The following NT5DC3 variants were observed in gnomAD, a reference collection of about 807,000 sequenced individuals.
NT5DC3 encodes 5'-nucleotidase domain-containing protein 3.
Under a neutral mutation model 67.8 loss-of-function variants are expected in NT5DC3, and 42 were observed. The ratio of observed to expected loss-of-function variants is 0.62; its 90% confidence interval spans 0.48 to 0.80. The LOEUF is 0.80. NT5DC3 is among the 30% of genes least tolerant of loss of function. The pLI is 0.00. For synonymous variants in NT5DC3, 237 were observed against 255.6 expected (o/e 0.93, Z 0.69); for missense variants, 570 against 696.4 (o/e 0.82, Z 2.04).
At chr12:103,787,394 G>A (rs751274626) in intron 11 of NT5DC3, 47 bp downstream of exon 11, 6 of 880,404 alleles carry the variant, frequency 6.8e-6, no homozygotes, top group Admixed American at 5.1e-5. Context: ...TTTAGTAAGT[G>A]AGACTAACAC....
the NT5DC3 span, among the ~76,000 whole-genome samples, chr12:103,761,879 G>A: frequency 1.3e-5 from 2 of 152,188 alleles, no homozygotes; most frequent in Non-Finnish European, 2.9e-5. Flanking sequence ...GATGGTGGTT[G>A]TTAGTATTCT....
intron 4 of NT5DC3, among the ~76,000 whole-genome samples, chr12:103,803,299 G>C (rs775424390): frequency 6.6e-6 from 1 of 152,134 alleles, no homozygotes; most frequent in Non-Finnish European, 1.5e-5. Flanking sequence ...TAAGTTAAAA[G>C]TAAGTCTGTT....
rs2139287429 is a variant in NT5DC3 at position 103,773,456 on chromosome 12, T to C, written c.*4373A>G. The C allele has an allele frequency of 6.6e-6, 1 of 152,280 alleles. No individual in the cohort carries two copies. Among genetic ancestry groups the C allele is most frequent in the Middle Eastern group, 3.4e-3 (1 of 294 alleles). The allele number at this position is 152,280 out of a possible 1,614,324, so 9.4% of individuals were successfully genotyped here. A position where few individuals can be genotyped will look rare whatever the true frequency, so the allele number is the denominator to read the frequency against. On this transcript the variant is annotated 3_prime_UTR_variant, in exon 14 of 14. Coordinates refer to ENST00000392876, the MANE Select transcript of NT5DC3 (RefSeq NM_001031701.3). The stretch of plus-strand genomic sequence containing the variant: ...CTGAACTTTGAGCTAAGCTCCTAAA[T>C]GACACTAGTAGTGTCAAAGATTACT...
chr12:103,785,559 T>A, intron 11 of NT5DC3, 84 bp from the exon 12 acceptor site: 1 of 1,362,334 alleles, frequency 7.3e-7, no homozygotes, highest in African/African-American at 1.4e-5. Context: ...TGAGAGGCAT[T>A]CATTTAATTA....
the NT5DC3 span, chr12:103,750,734 G>A: frequency 6.2e-7 from 1 of 1,607,318 alleles, no homozygotes; most frequent in Non-Finnish European, 8.5e-7. Flanking sequence ...AGTGTGACCA[G>A]GGCCTATGGC....
At position 103,788,936 on chromosome 12, in the gene NT5DC3, GA is replaced by G. The variant is rs1885915586; in HGVS notation, c.1020-18del. On this transcript the variant is annotated intron_variant, in intron 9 of 13. Transcript: ENST00000392876. The stretch of plus-strand genomic sequence containing the variant: ...CGGAAAGGCCTAACAACAGAAATGG[GA>G]AACATTATGACATGGAGTAGTACAG... 4.6e-6 allele frequency: 7 copies of G among 1,520,622 alleles called. No homozygotes were observed. Among genetic ancestry groups the G allele is most frequent in the Non-Finnish European group, 6.4e-6 (7 of 1,094,794 alleles). 94.2% of individuals were successfully genotyped at this position (1,520,622 alleles called of 1,614,324 possible). A position where few individuals can be genotyped will look rare whatever the true frequency, so the allele number is the denominator to read the frequency against.
chr12:103,756,998 T>A, the NT5DC3 span, among the ~76,000 whole-genome samples: 1,124 of 14,488 alleles, frequency 0.078, 24 homozygotes, highest in African/African-American at 0.33. Context: ...GGAGGGAAAA[T>A]ATATATATAT....
chr12:103,788,300 G>T (rs191502901), intron 10 of NT5DC3, among the ~76,000 whole-genome samples: 1 of 152,158 alleles, frequency 6.6e-6, no homozygotes, highest in Non-Finnish European at 1.5e-5. Flanking sequence ...TTAAAAATTA[G>T]CTGGGTGTGG....
chr12:103,759,222 G>C, the NT5DC3 span: 1 of 1,614,096 alleles, frequency 6.2e-7, no homozygotes, highest in Non-Finnish European at 8.5e-7. Flanking sequence ...CCCTGCAAAC[G>C]AGGCTGGGAA....
At chr12:103,840,436 A>G (rs1474531605) in intron 1 of NT5DC3, among the ~76,000 whole-genome samples, 10 of 149,216 alleles carry the variant, frequency 6.7e-5, no homozygotes, top group Admixed American at 2.0e-4. Context: ...ATCCCATTCC[A>G]TCCCATCCCA....
Position 103,778,029 on chromosome 12 carries a change from C to A in NT5DC3, c.1447G>T (p.Asp483Tyr). ...NAQFGSLFRT[D>Y]QNPTYFLRRL... ...CTTAGGAAGTAGGTTGGGTTCTGGT[C>A]TGTGCGGAACAGGCTTCCAAACTGG... The change falls in exon 14 of 14, where the codon GAC becomes TAC. Residue 483 changes from aspartate (D) to tyrosine (Y), a missense_variant. This residue lies in a region of NT5DC3 where 466 missense variants were observed against 608.0 expected (regional missense o/e 0.77). Transcript: ENST00000392876. 1 of 1,614,190 alleles carries A rather than the reference C, an allele frequency of 6.2e-7. No homozygotes were observed. The highest frequency in any genetic ancestry group is 8.5e-7 in the Non-Finnish European group (1 of 1,180,038).
intron 3 of NT5DC3, among the ~76,000 whole-genome samples, chr12:103,806,586 A>G (rs1386796658): frequency 6.6e-6 from 1 of 152,208 alleles, no homozygotes; most frequent in Admixed American, 6.5e-5. Context: ...GGGGAAAAAA[A>G]TAGATATGGC....
chr12:103,836,373 C>T (rs1158752934), intron 1 of NT5DC3, among the ~76,000 whole-genome samples: 2 of 152,116 alleles, frequency 1.3e-5, no homozygotes, highest in Non-Finnish European at 2.9e-5. Context: ...GATACAATGG[C>T]GGTACGGGTA....
chr12:103,790,585 T>C (rs117054658), intron 9 of NT5DC3, among the ~76,000 whole-genome samples: 2,656 of 152,118 alleles, frequency 0.017, 90 homozygotes, highest in East Asian at 0.17. Context: ...AGTCTCCCTA[T>C]GTAGCCCAGG....
chr12:103,819,002 T>C (rs990085904), intron 1 of NT5DC3, among the ~76,000 whole-genome samples: 1 of 152,178 alleles, frequency 6.6e-6, no homozygotes, highest in African/African-American at 2.4e-5. Context: ...AATTAGAAGT[T>C]TATATTTAGA....
At chr12:103,762,131 TG>T in the NT5DC3 span, 1 of 1,101,734 alleles carries the variant, frequency 9.1e-7, no homozygotes. Context: ...TATTAGACCC[TG>T]GCAGTAATAA....
chr12:103,755,785 G>A, the NT5DC3 span: 1 of 1,484,742 alleles, frequency 6.7e-7, no homozygotes, highest in South Asian at 1.1e-5. Flanking sequence ...GTATTAGAGG[G>A]GTGAGGCCTT....
At position 103,799,587 on chromosome 12, in the gene NT5DC3, G is replaced by T. The variant is rs187577214; in HGVS notation, c.525-910C>A. On this transcript the variant is annotated intron_variant, in intron 4 of 13. Coordinates refer to ENST00000392876, the MANE Select transcript of NT5DC3 (RefSeq NM_001031701.3). ...TTTCTTTATAAATTACCCAGTCTCG[G>T]GTATGTGAGAACAGACTAATACAGG... Among the ~76,000 whole-genome samples the T allele has an allele frequency of 6.6e-5, 10 of 152,134 alleles. No individual in the cohort carries two copies. The East Asian group carries it at 1.9e-3, about 29-fold the overall frequency.
At chr12:103,769,690 G>A (rs1299034896), downstream of NT5DC3, among the ~76,000 whole-genome samples, 3 of 152,332 alleles carry the variant, frequency 2.0e-5, no homozygotes, top group South Asian at 2.1e-4. Context: ...TGCCACTAAC[G>A]CCAGAGGCGC....
Sources: gnomAD v4.1 joint callset for allele counts (sites outside exome capture counted in the v4.1 genomes callset) on GRCh38, gnomAD v4.1.1 for gene constraint, gnomAD v4.1.1 regional missense constraint, MANE v1.5 for transcripts, NCBI Gene and HGNC (gene_info 2026-07-23, HGNC 2026-07-21) for gene names.